FIGNL2: variants seen among roughly 807,000 people sequenced by gnomAD.
FIGNL2 encodes fidgetin like 2, also known as fidgetin-like protein 2.
For synonymous variants in FIGNL2, 565 were observed against 484.0 expected (o/e 1.17, Z -2.20); for missense variants, 1,060 against 950.2 (o/e 1.12, Z -1.52).
rs1268006812 is a variant in FIGNL2, at chr12:51,821,178, C to T, written c.1236G>A (p.Leu412=). Residue 412 remains leucine (L), a synonymous_variant, in exon 2 of 2, where the codon CTG becomes CTA. Transcript: ENST00000618634. ...AALEEELVWP[L]LRPPAYPGSL... ...TGCCCGGGTAGGCGGGCGGCCTGAG[C>T]AGGGGCCACACCAGCTCCTCCTCCA... 6.0e-6 allele frequency: 9 copies of T among 1,506,190 alleles called. No individual in the cohort carries two copies. The highest frequency in any genetic ancestry group is 1.2e-5 in the South Asian group (1 of 81,568). 93.3% of individuals were successfully genotyped at this position (1,506,190 alleles called of 1,614,324 possible). A position where few individuals can be genotyped will look rare whatever the true frequency, so the allele number is the denominator to read the frequency against.
At position 51,821,103 on chromosome 12, in the gene FIGNL2, G is replaced by A. The variant is rs977341590; in HGVS notation, c.1311C>T (p.Gly437=). 7.3e-6 allele frequency: 10 copies of A among 1,374,460 alleles called. No individual in the cohort carries two copies. The highest frequency in any genetic ancestry group is 3.1e-5 in the African/African-American group (2 of 64,876). The allele number at this position is 1,374,460 out of a possible 1,614,324, so 85.1% of individuals were successfully genotyped here. The change falls in exon 2 of 2, where the codon GGC becomes GGT. Residue 437 remains glycine (G), a synonymous_variant. Coordinates refer to ENST00000618634, the MANE Select transcript of FIGNL2 (RefSeq NM_001384995.1). ...TVLLFGPRGA[G]KALLGRCLAT... The stretch of plus-strand genomic sequence containing the variant: ...CGAGGCAGCGGCCCAGCAGCGCTTT[G>A]CCCGCGCCCCGCGGCCCAAAGAGCA...
intron 1 of FIGNL2, among the ~76,000 whole-genome samples, chr12:51,836,498 A>G (rs1939581252): frequency 6.6e-6 from 1 of 152,130 alleles, no homozygotes; most frequent in South Asian, 2.1e-4. Context: ...AGGCCTGGCC[A>G]GTCTCTCATG....
intron 1 of FIGNL2, chr12:51,845,789 G>T (rs1001212479): frequency 5.2e-6 from 2 of 384,204 alleles, no homozygotes; most frequent in Admixed American, 1.3e-4. Flanking sequence ...GGGAGAGTCG[G>T]GGGAGTCCTG....
intron 1 of FIGNL2, among the ~76,000 whole-genome samples, chr12:51,835,137 A>G (rs971186251): frequency 1.3e-5 from 2 of 149,166 alleles, no homozygotes; most frequent in African/African-American, 5.0e-5. Flanking sequence ...CCTCCCACCC[A>G]TCCCCTGGCT....
chr12:51,821,597 C>T lies in FIGNL2; in HGVS notation c.817G>A (p.Gly273Arg), dbSNP rs1330850638. ...LSLKRKAADE[G>R]PEGRYRKYAY... ...TACTTGCGGTAGCGGCCCTCGGGCC[C>T]CTCGTCGGCGGCCTTGCGCTTCAGC... is the stretch of plus-strand genomic sequence containing the variant. The change falls in exon 2 of 2, where the codon GGG becomes AGG. Residue 273 changes from glycine (G) to arginine (R), a missense_variant. Physicochemically the swap from Gly to Arg is moderately radical, Grantham distance 125. Transcript: ENST00000618634. The T allele has an allele frequency of 4.0e-6, 6 of 1,507,734 alleles. No individual in the cohort carries two copies. The highest frequency in any genetic ancestry group is 2.9e-5 in the African/African-American group (2 of 69,208). 93.4% of individuals were successfully genotyped at this position (1,507,734 alleles called of 1,614,324 possible).
chr12:51,844,419 G>A (rs902778352), intron 1 of FIGNL2, among the ~76,000 whole-genome samples: 1 of 152,124 alleles, frequency 6.6e-6, no homozygotes, highest in Non-Finnish European at 1.5e-5. Context: ...GCACTCAGGG[G>A]GTTCGCACTG....
intron 1 of FIGNL2, among the ~76,000 whole-genome samples, chr12:51,836,356 C>A (rs1324689668): frequency 6.6e-6 from 1 of 152,150 alleles, no homozygotes; most frequent in Non-Finnish European, 1.5e-5. Flanking sequence ...ACCCCTCCCC[C>A]ACCCCGCCCA....
chr12:51,847,595 C>A (rs1020549784), intron 1 of FIGNL2: 3 of 985,096 alleles, frequency 3.0e-6, no homozygotes, highest in South Asian at 9.4e-5. Flanking sequence ...GCGCTCCGGG[C>A]CGCCGCTGGG....
At chr12:51,828,452 A>C (rs2138982805) in intron 1 of FIGNL2, 1 of 152,370 alleles carries the variant, frequency 6.6e-6, no homozygotes, top group Non-Finnish European at 1.5e-5. Flanking sequence ...CACAGGACGA[A>C]GTCCTTCAAA....
At position 51,821,511 on chromosome 12, in the gene FIGNL2, G is replaced by A. The variant is rs1197919871; in HGVS notation, c.903C>T (p.Asn301=). The A allele has an allele frequency of 1.3e-6, 2 of 1,561,368 alleles. No homozygotes were observed. The highest frequency in any genetic ancestry group is 1.4e-5 in the African/African-American group (1 of 71,930). ...ADGASYPAAD[N]GECRGNGFRA... ...GGAACCCGTTGCCCCGACATTCGCC[G>A]TTGTCCGCGGCGGGGTAGGAGGCTC... is the stretch of plus-strand genomic sequence containing the variant. Residue 301 remains asparagine (N), a synonymous_variant, in exon 2 of 2, where the codon AAC becomes AAT. Coordinates refer to ENST00000618634, the MANE Select transcript of FIGNL2 (RefSeq NM_001384995.1).
intron 1 of FIGNL2, among the ~76,000 whole-genome samples, chr12:51,834,337 G>A (rs1939543041): frequency 6.6e-6 from 1 of 152,026 alleles, no homozygotes; most frequent in Non-Finnish European, 1.5e-5. Flanking sequence ...AGCCCCCAAA[G>A]GCACCTATCT....
At chr12:51,827,462 G>A (rs1484533806) in intron 1 of FIGNL2, among the ~76,000 whole-genome samples, 1 of 151,966 alleles carries the variant, frequency 6.6e-6, no homozygotes, top group Non-Finnish European at 1.5e-5. Flanking sequence ...CTGGCCTCAA[G>A]TGATCTGTCT....
intron 1 of FIGNL2, among the ~76,000 whole-genome samples, chr12:51,823,141 C>G (rs1427861962): frequency 6.6e-6 from 1 of 152,232 alleles, no homozygotes; most frequent in Non-Finnish European, 1.5e-5. Context: ...ACCTGGATTC[C>G]AGACCCAGCT....
chr12:51,834,783 G>C (rs1408826783), intron 1 of FIGNL2, among the ~76,000 whole-genome samples: 2 of 152,364 alleles, frequency 1.3e-5, no homozygotes, highest in East Asian at 3.9e-4. Flanking sequence ...GAGAGGCCAG[G>C]CCAGGGGCCC....
Position 51,821,112 on chromosome 12 carries a change from C to T in FIGNL2, c.1302G>A (p.Arg434=), listed in dbSNP as rs759481643. 2.6e-5 allele frequency: 36 copies of T among 1,384,316 alleles called. 1 individual carries two copies. In the South Asian group the frequency reaches 5.2e-4, roughly 20 times the overall value. 85.8% of individuals were successfully genotyped at this position (1,384,316 alleles called of 1,614,324 possible). ...GGCCCAGCAGCGCTTTGCCCGCGCC[C>T]CGCGGCCCAAAGAGCAGGACGGTCC... ...PPRTVLLFGP[R]GAGKALLGRC... Residue 434 remains arginine (R), a synonymous_variant, in exon 2 of 2, where the codon CGG becomes CGA. Transcript: ENST00000618634.
At chr12:51,847,809 G>A in intron 1 of FIGNL2, 1 of 985,292 alleles carries the variant, frequency 1.0e-6, no homozygotes, top group Non-Finnish European at 1.2e-6. Flanking sequence ...AACAGGAGAG[G>A]GCTCTTGCGG....
rs1656213471 is a variant in FIGNL2, at chr12:51,821,748, G to A, written c.666C>T (p.Pro222=). 3 of 1,287,244 alleles carry A rather than the reference G, an allele frequency of 2.3e-6. No homozygotes were observed. Among genetic ancestry groups the A allele is most frequent in the African/African-American group, 3.1e-5 (2 of 64,122 alleles). The allele number at this position is 1,287,244 out of a possible 1,614,324, so 79.7% of individuals were successfully genotyped here. Reference sequence around the variant, plus strand: ...GGTAGGGGGCCGGGGGTGGGCCTGGGGGCGGCGGGAGCGCGCCATAGCCGG... The same window carrying A: ...GGTAGGGGGCCGGGGGTGGGCCTGGAGGCGGCGGGAGCGCGCCATAGCCGG... ...AQPGYGALPP[P]PGPPPAPYLT... The change falls in exon 2 of 2, where the codon CCC becomes CCT. Residue 222 remains proline (P), a synonymous_variant. Coordinates refer to ENST00000618634, the MANE Select transcript of FIGNL2 (RefSeq NM_001384995.1).
intron 1 of FIGNL2, chr12:51,844,676 C>T (rs1003797399): frequency 1.4e-5 from 14 of 984,850 alleles, no homozygotes; most frequent in Non-Finnish European, 1.6e-5. Flanking sequence ...CATCAAGATG[C>T]TTATGAAACT....
intron 1 of FIGNL2, among the ~76,000 whole-genome samples, chr12:51,833,108 C>T (rs956448463): frequency 6.6e-6 from 1 of 152,088 alleles, no homozygotes; most frequent in Admixed American, 6.5e-5. Context: ...AGTGCAGCGG[C>T]GTGATCACGG....
Sources: allele counts gnomAD v4.1 joint callset (sites outside exome capture counted in the v4.1 genomes callset), GRCh38; gene constraint gnomAD v4.1.1; transcripts MANE v1.5; gene names NCBI Gene and HGNC (gene_info 2026-07-23, HGNC 2026-07-21).